The following CDH23 variants were observed in gnomAD, a reference collection of about 807,000 sequenced individuals.
CDH23 encodes cadherin related 23.
Under a neutral mutation model 317.1 loss-of-function variants are expected in CDH23, and 189 were observed. The ratio of observed to expected loss-of-function variants is 0.60; its 90% CI spans 0.53 to 0.67. The LOEUF (loss-of-function observed/expected upper bound fraction) is 0.67. Ranked by LOEUF, CDH23 falls within the 30% of genes least tolerant of loss-of-function variation. The probability of loss-of-function intolerance (pLI) is 0.00; values close to 1 mark genes in which losing one functional copy is unlikely to be tolerated. For missense variants in CDH23, 4,401 were observed against 4,592.4 expected (o/e 0.96, Z 1.20); for synonymous variants, 1,839 against 1,876.8 (o/e 0.98, Z 0.52).
At chr10:71,553,105 C>T (rs770306558) in intron 6 of CDH23, among the ~76,000 whole-genome samples, 19 of 152,194 alleles carry the variant, frequency 1.2e-4, no homozygotes, top group Non-Finnish European at 2.2e-4. Context: ...AGGGACTGGG[C>T]GCCAGCCTGC....
chr10:71,526,488 G>A (rs1855047752), intron 6 of CDH23, among the ~76,000 whole-genome samples: 1 of 152,228 alleles, frequency 6.6e-6, no homozygotes, highest in South Asian at 2.1e-4. Context: ...GGGGCATGAA[G>A]GAGGAAGGGG....
chr10:71,722,447 C>T (rs905953603), intron 28 of CDH23, among the ~76,000 whole-genome samples: 2 of 152,230 alleles, frequency 1.3e-5, no homozygotes, highest in Non-Finnish European at 2.9e-5. Flanking sequence ...GTCCTGCATT[C>T]GTGCTTACTG....
At chr10:71,569,125 G>A (rs1028143859) in intron 7 of CDH23, among the ~76,000 whole-genome samples, 5 of 152,178 alleles carry the variant, frequency 3.3e-5, no homozygotes, top group East Asian at 1.9e-4. Flanking sequence ...CAAGCCTGCC[G>A]TGTGGGCCCC....
intron 38 of CDH23, among the ~76,000 whole-genome samples, chr10:71,758,265 G>A (rs76072578): frequency 1.3e-5 from 2 of 152,182 alleles, no homozygotes; most frequent in African/African-American, 4.8e-5. Flanking sequence ...TGTTGGGTCC[G>A]TGGTTTAGCT....
intron 26 of CDH23, chr10:71,707,279 T>A (rs768936231): frequency 9.7e-6 from 14 of 1,437,518 alleles, no homozygotes; most frequent in Non-Finnish European, 1.3e-5. Context: ...CTCCTGAACC[T>A]GTTGGTTGCA....
intron 22 of CDH23, among the ~76,000 whole-genome samples, chr10:71,699,284 C>A (rs1294131040): frequency 6.6e-6 from 1 of 152,266 alleles, no homozygotes; most frequent in Non-Finnish European, 1.5e-5. Context: ...GTGGCTGGGT[C>A]TTCCTTGTCG....
At chr10:71,689,373 C>T (rs1865100273) in intron 19 of CDH23, among the ~76,000 whole-genome samples, 1 of 152,066 alleles carries the variant, frequency 6.6e-6, no homozygotes. Flanking sequence ...TCAGGCATCC[C>T]CTGGAGAATG....
intron 35 of CDH23, 26 bp downstream of exon 35, chr10:71,738,673 G>A (rs1381058128): frequency 6.2e-7 from 1 of 1,608,168 alleles, no homozygotes; most frequent in Non-Finnish European, 8.5e-7. Flanking sequence ...AAACAGCCAG[G>A]ATCCACCATG....
intron 30 of CDH23, 150 bp downstream of exon 30, chr10:71,725,670 AG>A (rs1866779572): frequency 5.3e-6 from 5 of 948,730 alleles, no homozygotes; most frequent in African/African-American, 3.3e-5. Flanking sequence ...GTTCGGTGAC[AG>A]GTGCCCAGCC....
chr10:71,732,187 G>C lies in CDH23; in HGVS notation c.3916G>C (p.Glu1306Gln), dbSNP rs1007435841. The C allele has an allele frequency of 1.2e-6, 2 of 1,613,850 alleles. No individual in the cohort carries two copies. Among genetic ancestry groups the C allele is most frequent in the Admixed American group, 1.7e-5 (1 of 60,012 alleles). Residue 1306 changes from glutamate (E) to glutamine (Q), a missense_variant, in exon 32 of 70, where the codon GAG (glutamate) becomes CAG (glutamine). Glu to Gln is a conservative substitution (Grantham distance 29). Coordinates refer to ENST00000224721, the MANE Select transcript of CDH23 (RefSeq NM_022124.6). ...CAGCGTCTACATCACTCTGCTCAAC[G>C]AGCTGGACGAGGCCGTGCAGTTCTC... ...FCSVYITLLN[E>Q]LDEAVQFSNA...
chr10:71,668,808 C>T (rs1181041498), intron 14 of CDH23, among the ~76,000 whole-genome samples: 1 of 152,232 alleles, frequency 6.6e-6, no homozygotes, highest in Non-Finnish European at 1.5e-5. Flanking sequence ...CAGGCTCCTC[C>T]AATCACCTTG....
At chr10:71,470,113 G>A (rs1213700223) in intron 3 of CDH23, among the ~76,000 whole-genome samples, 1 of 152,174 alleles carries the variant, frequency 6.6e-6, no homozygotes, top group Non-Finnish European at 1.5e-5. Context: ...GGAATTACAG[G>A]CTGACACAGC....
chr10:71,601,465 A>T (rs540987099), intron 9 of CDH23, among the ~76,000 whole-genome samples: 1 of 152,358 alleles, frequency 6.6e-6, no homozygotes, highest in Admixed American at 6.5e-5. Context: ...CAGAGAGGGT[A>T]GATAACTTGC....
intron 14 of CDH23, 25 bp from the exon 15 acceptor site, chr10:71,675,087 T>G (rs1864303639): frequency 6.2e-7 from 1 of 1,611,364 alleles, no homozygotes; most frequent in African/African-American, 1.3e-5. Flanking sequence ...CTGGCAGTAA[T>G]GACTTCTTGT....
At chr10:71,668,318 G>A (rs1224933428) in intron 14 of CDH23, among the ~76,000 whole-genome samples, 2 of 152,164 alleles carry the variant, frequency 1.3e-5, no homozygotes, top group African/African-American at 2.4e-5. Context: ...GGGGCCCATC[G>A]GTCTTCAACA....
At chr10:71,438,717 G>C (rs1235162955) in intron 1 of CDH23, among the ~76,000 whole-genome samples, 1 of 152,204 alleles carries the variant, frequency 6.6e-6, no homozygotes, top group Non-Finnish European at 1.5e-5. Context: ...TTATTGACAA[G>C]AGAGATAGGA....
In CDH23 at chr10:71,806,146, G is replaced by C. The variant is rs772758014; in HGVS notation, c.8065-22G>C. ...ATCCCCTCTCCCAGTCTTTTCCTCTGACTGTGCTCTTCCGCTCCTAGCTCA... is the reference window on the plus strand; with the variant it reads ...ATCCCCTCTCCCAGTCTTTTCCTCTCACTGTGCTCTTCCGCTCCTAGCTCA... On this transcript the variant is annotated intron_variant, in intron 56 of 69. Transcript: ENST00000224721. 9 of 1,549,144 alleles carry C rather than the reference G, an allele frequency of 5.8e-6. No individual in the cohort carries two copies. In the African/African-American group the frequency reaches 1.2e-4, roughly 21 times the overall value.
Position 71,682,505 on chromosome 10 carries a change from C to A in CDH23, c.1919C>A (p.Thr640Lys). ...ATATCCAATGGGCTGATTTATCTGA[C>A]GGTCATGGCCATGGATGCTGGCAAC... ...EQISNGLIYL[T>K]VMAMDAGNPP... The change falls in exon 18 of 70, where the codon ACG becomes AAG. Residue 640 changes from threonine (T) to lysine (K), a missense_variant. Thr to Lys is a moderately conservative substitution (Grantham distance 78, BLOSUM62 -1). Transcript: ENST00000224721. 1 of 1,613,374 alleles carries A rather than the reference C, an allele frequency of 6.2e-7. No homozygotes were observed. The highest frequency in any genetic ancestry group is 1.3e-5 in the African/African-American group (1 of 75,038).
chr10:71,475,533 G>A (rs908270725), intron 3 of CDH23, among the ~76,000 whole-genome samples: 2 of 152,222 alleles, frequency 1.3e-5, no homozygotes, highest in Non-Finnish European at 1.5e-5. Context: ...AGAGCCTTCA[G>A]GCGTGACAGA....
Sources: allele counts gnomAD v4.1 joint callset (sites outside exome capture counted in the v4.1 genomes callset), GRCh38; gene constraint gnomAD v4.1.1; transcripts MANE v1.5; gene names NCBI Gene and HGNC (gene_info 2026-07-23, HGNC 2026-07-21).